Variants in GOLGA5 observed in about 807,000 individuals in gnomAD.
The protein encoded by GOLGA5 is golgin subfamily A member 5.
A neutral mutation model predicts 93.5 loss-of-function variants in GOLGA5; 50 were observed. The observed-to-expected ratio is 0.53, with a 90% confidence interval of 0.43 to 0.68. The LOEUF (loss-of-function observed/expected upper bound fraction) is 0.68. GOLGA5 is among the 30% of genes least tolerant of loss of function. The pLI, the probability that GOLGA5 is intolerant of heterozygous loss-of-function variation, is 0.00. For missense variants in GOLGA5, 760 were observed against 856.4 expected, an observed-to-expected ratio of 0.89 and a Z score of 1.40; for synonymous variants, 312 against 304.5, an observed-to-expected ratio of 1.02 and a Z score of -0.26.
At chr14:92,820,470 C>T (rs1885294488) in intron 8 of GOLGA5, among the ~76,000 whole-genome samples, 1 of 152,166 alleles carries the variant, frequency 6.6e-6, no homozygotes, top group Admixed American at 6.5e-5. Flanking sequence ...ACATTCAGTT[C>T]CCATGGGCAG....
intron 12 of GOLGA5, among the ~76,000 whole-genome samples, chr14:92,838,402 C>G (rs1417830474): frequency 6.6e-6 from 1 of 151,872 alleles, no homozygotes; most frequent in Admixed American, 6.6e-5. Flanking sequence ...GAGTCTCGCT[C>G]TGTCACCCAG....
intron 10 of GOLGA5, among the ~76,000 whole-genome samples, chr14:92,834,309 G>A (rs992731726): frequency 3.3e-5 from 5 of 150,954 alleles, no homozygotes; most frequent in East Asian, 3.9e-4. Context: ...CCATTAACTC[G>A]TCATTTAGCA....
intron 8 of GOLGA5, among the ~76,000 whole-genome samples, chr14:92,822,776 C>CTT (rs1885341797): frequency 6.6e-6 from 1 of 152,106 alleles, no homozygotes; most frequent in Non-Finnish European, 1.5e-5. Context: ...CCTGCCTCAG[C>CTT]CTCCCGAGTA....
rs751178151 is a variant in GOLGA5 at position 92,816,317 on chromosome 14, G to T, written c.1387G>T (p.Ala463Ser). Reference sequence around the variant, plus strand: ...TTTTGAAGGCCTAGATAGCAGCACTGCCAGTAGCATGGAGCTGGAAGAACT... The same window carrying T: ...TTTTGAAGGCCTAGATAGCAGCACTTCCAGTAGCATGGAGCTGGAAGAACT... ...SGFEGLDSST[A>S]SSMELEELRH... The change falls in exon 7 of 13, where the codon GCC (alanine) becomes TCC (serine). Residue 463 changes from alanine to serine, a missense_variant. Coordinates refer to ENST00000163416, the MANE Select transcript of GOLGA5 (RefSeq NM_005113.4). 6.2e-7 allele frequency: 1 copy of T among 1,613,756 alleles called. No individual in the cohort carries two copies. Among genetic ancestry groups the T allele is most frequent in the South Asian group, 1.1e-5 (1 of 91,070 alleles).
chr14:92,809,624 A>G, intron 4 of GOLGA5, 105 bp downstream of exon 4: 3 of 724,798 alleles, frequency 4.1e-6, no homozygotes, highest in Non-Finnish European at 7.0e-6. Context: ...AAGAGGGAAT[A>G]TTTCTTTTGG....
At chr14:92,800,039 A>C (rs555788999) in intron 2 of GOLGA5, among the ~76,000 whole-genome samples, 31 of 152,372 alleles carry the variant, frequency 2.0e-4, no homozygotes, top group African/African-American at 7.2e-4. Context: ...GTATAGAAGA[A>C]GACGTTTTGG....
In GOLGA5 at chr14:92,835,657, C is replaced by G; in HGVS notation, c.2044C>G (p.Gln682Glu). 1 of 1,600,114 alleles carries G rather than the reference C, an allele frequency of 6.2e-7. No individual in the cohort carries two copies. Among genetic ancestry groups the G allele is most frequent in the East Asian group, 2.2e-5 (1 of 44,768 alleles). ...KVRKAASSID[Q>E]FSIRLGIFLR... ...TCGCAAAGCTGCTAGTTCAATTGAT[C>G]AGTTTAGGTAAGCAATGCCAGTAGG... is the stretch of plus-strand genomic sequence containing the variant. Residue 682 changes from glutamine to glutamate, a missense_variant, in exon 11 of 13, where the codon CAG becomes GAG. Coordinates refer to ENST00000163416, the MANE Select transcript of GOLGA5 (RefSeq NM_005113.4).
At chr14:92,813,182 T>G (rs1449234360) in intron 6 of GOLGA5, among the ~76,000 whole-genome samples, 1 of 152,098 alleles carries the variant, frequency 6.6e-6, no homozygotes, top group Non-Finnish European at 1.5e-5. Context: ...CTCAAACTCT[T>G]CTTTCTAAGT....
At chr14:92,810,526 AT>A in intron 5 of GOLGA5, 149 bp downstream of exon 5, 1 of 515,128 alleles carries the variant, frequency 1.9e-6, no homozygotes, top group Non-Finnish European at 3.3e-6. Flanking sequence ...ATATTTGAAA[AT>A]TTAGCTTGAT....
Position 92,839,543 on chromosome 14 carries a change from A to G in GOLGA5, c.*97A>G, listed in dbSNP as rs1255311470. The G allele has an allele frequency of 8.1e-6, 6 of 741,906 alleles. No homozygotes were observed. The highest frequency in any genetic ancestry group is 1.4e-5 in the Non-Finnish European group (6 of 421,122). 46.0% of individuals were successfully genotyped at this position (741,906 alleles called of 1,614,324 possible). On this transcript the variant is annotated 3_prime_UTR_variant, in exon 13 of 13. Transcript: ENST00000163416. ...AAAATTTCTGAGAACAGTGCACAAG[A>G]TTATTTTATCACTACAAGCTTTTAA...
In GOLGA5 at chr14:92,797,504, G is replaced by A. The variant is rs1284959632; in HGVS notation, c.67G>A (p.Ala23Thr). Residue 23 changes from alanine to threonine, a missense_variant, in exon 2 of 13, where the codon GCA becomes ACA. By Grantham distance (58) the Ala-to-Thr change is moderately conservative. Transcript: ENST00000163416. ...TTTAAACCGAGTTGATCAAGGGGCT[G>A]CAACAGCTCTCAGTAGGAAAGACAA... ...DLLNRVDQGA[A>T]TALSRKDNAS... is the part of the protein sequence containing the mutation. 6.2e-7 allele frequency: 1 copy of A among 1,613,378 alleles called. No homozygotes were observed. The highest frequency in any genetic ancestry group is 1.7e-5 in the Admixed American group (1 of 59,984).
chr14:92,820,576 G>C (rs1480989139), intron 8 of GOLGA5, among the ~76,000 whole-genome samples: 3 of 152,166 alleles, frequency 2.0e-5, no homozygotes, highest in Non-Finnish European at 2.9e-5. Context: ...TGTCGGGCTG[G>C]GGGACGGTCA....
chr14:92,829,036 C>T (rs1885475513), intron 9 of GOLGA5, among the ~76,000 whole-genome samples: 1 of 152,182 alleles, frequency 6.6e-6, no homozygotes, highest in South Asian at 2.1e-4. Context: ...GTGATTTTGG[C>T]TCACTGCAAC....
rs1314317080 is a variant in GOLGA5 at position 92,809,358 on chromosome 14, T to A, written c.831T>A (p.Asp277Glu). The part of the protein sequence containing the change: ...EKWNADHSKS[D>E]RMTRGLRAQV... ...GGAATGCTGACCATTCAAAGAGTGA[T>A]CGAATGACTCGAGGACTCCGAGCCC... The change falls in exon 4 of 13, where the codon GAT becomes GAA. Residue 277 changes from aspartate to glutamate, a missense_variant. Physicochemically the swap from Asp to Glu is conservative, Grantham distance 45 (BLOSUM62 2). Transcript: ENST00000163416. 1 of 1,613,612 alleles carries A rather than the reference T, an allele frequency of 6.2e-7. No individual in the cohort carries two copies. The highest frequency in any genetic ancestry group is 8.5e-7 in the Non-Finnish European group (1 of 1,179,590).
At chr14:92,813,283 A>C (rs1025937213) in intron 6 of GOLGA5, among the ~76,000 whole-genome samples, 31 of 152,234 alleles carry the variant, frequency 2.0e-4, no homozygotes, top group African/African-American at 7.2e-4. Flanking sequence ...TACAAAGCTC[A>C]AAAGATGTGT....
chr14:92,834,738 GA>G (rs1885604458), intron 10 of GOLGA5, among the ~76,000 whole-genome samples: 1 of 152,212 alleles, frequency 6.6e-6, no homozygotes, highest in Admixed American at 6.5e-5. Flanking sequence ...AGGATCTTGA[GA>G]GGGGGGACTG....
chr14:92,807,172 G>A (rs1288577211), intron 3 of GOLGA5, among the ~76,000 whole-genome samples: 1 of 152,182 alleles, frequency 6.6e-6, no homozygotes, highest in East Asian at 1.9e-4. Flanking sequence ...TGTGGTTGCA[G>A]GCACCTGTAA....
intron 8 of GOLGA5, among the ~76,000 whole-genome samples, chr14:92,820,747 A>G (rs2140327248): frequency 6.6e-6 from 1 of 152,284 alleles, no homozygotes; most frequent in Middle Eastern, 3.4e-3. Flanking sequence ...TACCAAGCAC[A>G]CTGCCTGTAA....
chr14:92,805,908 CA>C (rs1362206511), intron 2 of GOLGA5, among the ~76,000 whole-genome samples: 1 of 140,048 alleles, frequency 7.1e-6, no homozygotes, highest in African/African-American at 2.7e-5. Context: ...TATTTAGTAA[CA>C]AAAACAAGAT....
Sources: gnomAD v4.1 joint callset for allele counts (sites outside exome capture counted in the v4.1 genomes callset) on GRCh38, gnomAD v4.1.1 for gene constraint, MANE v1.5 for transcripts, NCBI Gene and HGNC (gene_info 2026-07-23, HGNC 2026-07-21) for gene names.